SPG21: variants seen among roughly 807,000 people sequenced by gnomAD.
SPG21 encodes the protein SPG21 abhydrolase domain containing, maspardin.
A neutral mutation model predicts 38.9 loss-of-function variants in SPG21; 26 were observed. The observed-to-expected ratio is 0.67, with a 90% CI of 0.49 to 0.93. The LOEUF (loss-of-function observed/expected upper bound fraction) is 0.93, where lower values mean the gene tolerates loss of function less well. Ranked by LOEUF, SPG21 falls within the 40% of genes least tolerant of loss-of-function variation. The pLI, the probability that SPG21 is intolerant of heterozygous loss-of-function variation, is 0.00. For synonymous variants in SPG21, 136 were observed against 128.9 expected (o/e 1.05, Z -0.37); for missense variants, 333 against 376.5 (o/e 0.88, Z 0.96).
intron 5 of SPG21, 137 bp downstream of exon 5, chr15:64,974,465 A>G: frequency 1.0e-6 from 1 of 993,126 alleles, no homozygotes; most frequent in Non-Finnish European, 1.5e-6. Context: ...ACAGAGCAAG[A>G]CTCTGTCTCA....
intron 7 of SPG21, among the ~76,000 whole-genome samples, chr15:64,967,662 C>T (rs143567527): frequency 0.017 from 2,534 of 152,054 alleles, 31 homozygotes; most frequent in Admixed American, 0.024. Context: ...TCAGTAGAGA[C>T]GGGTTTCACC....
intron 1 of SPG21, among the ~76,000 whole-genome samples, chr15:64,984,487 G>A (rs987795669): frequency 1.3e-5 from 2 of 152,076 alleles, no homozygotes; most frequent in Non-Finnish European, 2.9e-5. Context: ...CTAAGTAGCT[G>A]AGACAATGGG....
chr15:64,965,730 T>G (rs779201579), intron 7 of SPG21, among the ~76,000 whole-genome samples: 4 of 151,670 alleles, frequency 2.6e-5, no homozygotes, highest in Non-Finnish European at 5.9e-5. Context: ...GGGGGGAAAT[T>G]CTTTTTTTTT....
At position 64,965,414 on chromosome 15, in the gene SPG21, T is replaced by C; in HGVS notation, c.716A>G (p.Tyr239Cys). The C allele has an allele frequency of 6.2e-7, 1 of 1,614,172 alleles. No homozygotes were observed. Among genetic ancestry groups the C allele is most frequent in the Non-Finnish European group, 8.5e-7 (1 of 1,180,028 alleles). Residue 239 changes from tyrosine (Y) to cysteine (C), a missense_variant, in exon 8 of 9, where the codon TAC becomes TGC. Coordinates refer to ENST00000204566, the MANE Select transcript of SPG21 (RefSeq NM_016630.7). ...ALSTEAKEEM[Y>C]KLYPNARRAH... ...TCTTCGGGCATTAGGATACAGCTTGTACATTTCTTCTTTAGCTTCAGTTGA... is the reference window on the plus strand; with the variant it reads ...TCTTCGGGCATTAGGATACAGCTTGCACATTTCTTCTTTAGCTTCAGTTGA...
chr15:64,977,474 C>T (rs1163499849), intron 3 of SPG21, among the ~76,000 whole-genome samples: 1 of 152,132 alleles, frequency 6.6e-6, no homozygotes, highest in Non-Finnish European at 1.5e-5. Flanking sequence ...ATTCTCCCAC[C>T]TCAGCCCCCC....
intron 5 of SPG21, among the ~76,000 whole-genome samples, chr15:64,972,931 AT>A (rs1481704327): frequency 6.6e-6 from 1 of 152,226 alleles, no homozygotes; most frequent in African/African-American, 2.4e-5. Flanking sequence ...CCTATACATT[AT>A]TTGAAAACAC....
intron 4 of SPG21, among the ~76,000 whole-genome samples, chr15:64,976,009 T>C (rs1479238859): frequency 6.6e-6 from 1 of 152,168 alleles, no homozygotes; most frequent in Non-Finnish European, 1.5e-5. Context: ...AAAAAAATTA[T>C]AAAACATTGA....
At chr15:64,974,396 G>A (rs890774470) in intron 5 of SPG21, among the ~76,000 whole-genome samples, 8 of 152,060 alleles carry the variant, frequency 5.3e-5, no homozygotes, top group African/African-American at 1.7e-4. Flanking sequence ...GATCGCTTGA[G>A]CCTGGGAAAT....
Position 64,969,687 on chromosome 15 carries a change from G to GTT in SPG21, c.562-327_562-326dup, listed in dbSNP as rs74643667. 4.2e-3 allele frequency among the ~76,000 whole-genome samples: 535 copies of GTT among 126,480 alleles called. 3 individuals carry two copies. The highest frequency in any genetic ancestry group is 0.013 in the East Asian group (65 of 4,918). 83.0% of individuals were successfully genotyped at this position (126,480 alleles called of 152,430 possible). A position where few individuals can be genotyped will look rare whatever the true frequency, so the allele number is the denominator to read the frequency against. ...TCAAAGGTGACAGATATATGTTTTT[G>GTT]TTTTTTTTTTTTTTTTAAGATAAAC... On this transcript the variant is annotated intron_variant, in intron 6 of 8. Transcript: ENST00000204566.
intron 1 of SPG21, among the ~76,000 whole-genome samples, chr15:64,986,052 C>T (rs1047366339): frequency 2.2e-4 from 34 of 152,114 alleles, no homozygotes; most frequent in African/African-American, 7.5e-4. Context: ...AAATTCTTTG[C>T]ATATCCATTT....
chr15:64,965,232 G>T, intron 8 of SPG21, 88 bp downstream of exon 8: 1 of 1,541,542 alleles, frequency 6.5e-7, no homozygotes. Flanking sequence ...GTAGTTCACT[G>T]ATTCCCTAAC....
chr15:64,970,339 TCCTC>T, intron 5 of SPG21, 117 bp from the exon 6 acceptor site: 1 of 834,846 alleles, frequency 1.2e-6, no homozygotes, highest in East Asian at 2.5e-5. Flanking sequence ...CCTAATCCCC[TCCTC>T]CAAAGAGCTC....
intron 5 of SPG21, among the ~76,000 whole-genome samples, chr15:64,971,769 G>C (rs1238688736): frequency 1.3e-5 from 2 of 151,454 alleles, no homozygotes; most frequent in Non-Finnish European, 2.9e-5. Flanking sequence ...CTGGGGGGCA[G>C]AGGCTGCAGT....
chr15:64,973,318 G>A (rs986562489), intron 5 of SPG21, among the ~76,000 whole-genome samples: 1 of 152,072 alleles, frequency 6.6e-6, no homozygotes, highest in Non-Finnish European at 1.5e-5. Context: ...AATGAAAGAA[G>A]TGCACAGTAA....
rs1449340830 is a variant in SPG21, at chr15:64,968,953, G to A, written c.669+302C>T. On this transcript the variant is annotated intron_variant, in intron 7 of 8. Transcript: ENST00000204566. ...GACAGGGTCTCACTATGTTGCCCAG[G>A]CTGGTCCTGAACTCTTGGACTCAAG... Among the ~76,000 whole-genome samples, 9 of 151,936 alleles carry A rather than the reference G, an allele frequency of 5.9e-5. No homozygotes were observed. The South Asian group carries it at 1.9e-3, about 32-fold the overall frequency.
At chr15:64,964,846 G>T (rs1251013933) in intron 8 of SPG21, among the ~76,000 whole-genome samples, 3 of 152,128 alleles carry the variant, frequency 2.0e-5, no homozygotes, top group Admixed American at 6.6e-5. Context: ...TGGCCAGGCT[G>T]GTCTTGACCT....
rs779593123 is a variant in SPG21, at chr15:64,974,581, A to G, written c.452+21T>C. 2.5e-5 allele frequency: 40 copies of G among 1,614,116 alleles called. 3 individuals are homozygous for G. The South Asian group carries it at 4.3e-4, about 17-fold the overall frequency. On this transcript the variant is annotated intron_variant, in intron 5 of 8. Transcript: ENST00000204566. ...ACATTTTCAAAATTTCACTGAACAA[A>G]AAAAGTAATTTTGTTCTTACCTGTT...
intron 5 of SPG21, among the ~76,000 whole-genome samples, chr15:64,973,123 C>T (rs2085704177): frequency 6.6e-6 from 1 of 152,024 alleles, no homozygotes; most frequent in Non-Finnish European, 1.5e-5. Context: ...ACCATGATAC[C>T]TGGCTAATTT....
chr15:64,963,779 G>C (rs994575881), intron 8 of SPG21, 43 bp from the exon 9 acceptor site: 2 of 1,566,886 alleles, frequency 1.3e-6, no homozygotes, highest in African/African-American at 2.7e-5. Flanking sequence ...TTTTTGAGCT[G>C]GAGTGTCACT....
Sources: allele counts gnomAD v4.1 joint callset (sites outside exome capture counted in the v4.1 genomes callset), GRCh38; gene constraint gnomAD v4.1.1; transcripts MANE v1.5; gene names NCBI Gene and HGNC (gene_info 2026-07-23, HGNC 2026-07-21).